The following CSNK1G2 variants were observed in gnomAD, a reference collection of about 807,000 sequenced individuals.
CSNK1G2 encodes casein kinase I isoform gamma-2.
Under a neutral mutation model 48.0 loss-of-function variants are expected in CSNK1G2, and 11 were observed. The ratio of observed to expected loss-of-function variants is 0.23; its 90% CI spans 0.14 to 0.38. CSNK1G2 has a LOEUF of 0.38. Among genes scored for constraint, CSNK1G2 ranks in the 10% least tolerant of loss-of-function variants. The probability of loss-of-function intolerance (pLI) is 1.00; values close to 1 mark genes in which losing one functional copy is unlikely to be tolerated. For synonymous variants in CSNK1G2, 337 were observed against 254.1 expected (o/e 1.33, Z -3.10); for missense variants, 446 against 595.5 (o/e 0.75, Z 2.61).
rs2014473820 is a variant in CSNK1G2, at chr19:1,944,306, C to T, written c.-266+2888C>T. On this transcript the variant is annotated intron_variant, in intron 1 of 11. Coordinates refer to ENST00000255641, the MANE Select transcript of CSNK1G2 (RefSeq NM_001319.7). ...AGGCCGTCTGAGTGAGGCCTGCAGTCTGGAGGCTCCCTAGGTCGGGAGGCT... is the reference window on the plus strand; with the variant it reads ...AGGCCGTCTGAGTGAGGCCTGCAGTTTGGAGGCTCCCTAGGTCGGGAGGCT... 2.6e-5 allele frequency among the ~76,000 whole-genome samples: 4 copies of T among 152,258 alleles called. No homozygotes were observed. In the South Asian group the frequency reaches 6.2e-4, roughly 24 times the overall value.
In CSNK1G2 at chr19:1,957,619, A is replaced by G. The variant is rs1210894869; in HGVS notation, c.-265-11889A>G. ...TCCCCTCGCCCGGGGCGCGCTCCAC[A>G]GGCTAGGCCACTTTCACAGCTCACC... On this transcript the variant is annotated intron_variant, in intron 1 of 11. Coordinates refer to ENST00000255641, the MANE Select transcript of CSNK1G2 (RefSeq NM_001319.7). The surrounding 1 kb of genome is among the most constrained non-coding windows in gnomAD (Gnocchi z 5.4). 2.0e-5 allele frequency among the ~76,000 whole-genome samples: 3 copies of G among 152,144 alleles called. No homozygotes were observed. The highest frequency in any genetic ancestry group is 3.9e-4 in the East Asian group (2 of 5,184).
chr19:1,966,048 G>C (rs945681856), intron 1 of CSNK1G2, among the ~76,000 whole-genome samples: 1 of 152,030 alleles, frequency 6.6e-6, no homozygotes, highest in Non-Finnish European at 1.5e-5. Context: ...GTCTGCCTGC[G>C]TCAGCCTCCC....
intron 2 of CSNK1G2, among the ~76,000 whole-genome samples, chr19:1,973,994 T>A (rs1205392212): frequency 6.6e-6 from 1 of 152,056 alleles, no homozygotes; most frequent in African/African-American, 2.4e-5. Context: ...TTCAAGCAAT[T>A]CTCCTGCCTC....
intron 2 of CSNK1G2, chr19:1,975,582 C>T (rs534264842): frequency 4.8e-5 from 47 of 985,322 alleles, no homozygotes; most frequent in Non-Finnish European, 5.7e-5. Flanking sequence ...CAGGGGCAGC[C>T]TTTTGGGCGG....
chr19:1,959,785 G>C (rs56226476), intron 1 of CSNK1G2, among the ~76,000 whole-genome samples: 1 of 51,810 alleles, frequency 1.9e-5, no homozygotes, highest in African/African-American at 2.0e-4. Flanking sequence ...CCCACCTTTA[G>C]TGCCACCCTG....
intron 1 of CSNK1G2, among the ~76,000 whole-genome samples, chr19:1,950,889 G>A (rs1325533203): frequency 2.1e-5 from 3 of 146,098 alleles, no homozygotes; most frequent in Admixed American, 6.8e-5. Flanking sequence ...ATGGCGGAGC[G>A]TGTTGGGAAG....
rs781305836 is a variant in CSNK1G2, at chr19:1,978,269, C to T, written c.188-36C>T. The T allele has an allele frequency of 4.3e-6, 7 of 1,612,310 alleles. No homozygotes were observed. The South Asian group carries it at 7.7e-5, about 18-fold the overall frequency. On this transcript the variant is annotated intron_variant, in intron 2 of 11. Coordinates refer to ENST00000255641, the MANE Select transcript of CSNK1G2 (RefSeq NM_001319.7). The surrounding 1 kb of genome is among the most constrained non-coding windows in gnomAD (Gnocchi z 7.3). Reference sequence around the variant, plus strand: ...TGGGGAGGTCGGGGCTAGGTGGGCCCTGCGCTGGCGGTGCTGATGGTCTCT... The same window carrying T: ...TGGGGAGGTCGGGGCTAGGTGGGCCTTGCGCTGGCGGTGCTGATGGTCTCT...
At position 1,980,177 on chromosome 19, in the gene CSNK1G2, A is replaced by G; in HGVS notation, c.1222A>G (p.Arg408Gly). The change falls in exon 12 of 12, where the codon AGA becomes GGA. Residue 408 changes from arginine (R) to glycine (G), a missense_variant. Arg to Gly is a moderately radical substitution (Grantham distance 125). Transcript: ENST00000255641. ...KCCCFFKRRK[R>G]KSLQRHK ...CTGCTGTTTCTTCAAGAGGAGAAAG[A>G]GAAAATCGCTGCAGCGACACAAGTG... The G allele has an allele frequency of 6.2e-7, 1 of 1,612,946 alleles. No individual in the cohort carries two copies. Among genetic ancestry groups the G allele is most frequent in the Non-Finnish European group, 8.5e-7 (1 of 1,179,862 alleles).
intron 1 of CSNK1G2, chr19:1,953,507 C>G (rs1227759413): frequency 1.9e-6 from 1 of 532,962 alleles, no homozygotes; most frequent in South Asian, 1.4e-5. Context: ...TTTGCATAAT[C>G]TGAATTTTGG....
chr19:1,955,170 C>T (rs1180401359), intron 1 of CSNK1G2, among the ~76,000 whole-genome samples: 1 of 152,154 alleles, frequency 6.6e-6, no homozygotes. Context: ...GAGTGATCTG[C>T]GCCCTCGGAA....
At chr19:1,972,268 A>G (rs2145579542) in intron 2 of CSNK1G2, among the ~76,000 whole-genome samples, 1 of 152,318 alleles carries the variant, frequency 6.6e-6, no homozygotes, top group South Asian at 2.1e-4. Context: ...GCCCTTCTGA[A>G]TAGAACTAAC....
chr19:1,952,754 A>T (rs1033744632), intron 1 of CSNK1G2: 1 of 305,048 alleles, frequency 3.3e-6, no homozygotes, highest in Non-Finnish European at 6.6e-6. Context: ...GCGGGACTGG[A>T]TGGAGGCCAG....
rs2015832838 is a variant in CSNK1G2 at position 1,978,358 on chromosome 19, C to T, written c.228+13C>T. 10 of 1,613,024 alleles carry T rather than the reference C, an allele frequency of 6.2e-6. No homozygotes were observed. Among genetic ancestry groups the T allele is most frequent in the Non-Finnish European group, 8.5e-6 (10 of 1,179,716 alleles). ...GGCTATCAAATTGGTGAGTCGGCCC[C>T]TCCACCCCACCCCCGCTGACGTGCC... On this transcript the variant is annotated intron_variant, in intron 3 of 11. Coordinates refer to ENST00000255641, the MANE Select transcript of CSNK1G2 (RefSeq NM_001319.7). The surrounding 1 kb of genome is among the most constrained non-coding windows in gnomAD (Gnocchi z 7.3).
chr19:1,941,639 C>A (rs992091956), intron 1 of CSNK1G2, among the ~76,000 whole-genome samples: 3 of 149,892 alleles, frequency 2.0e-5, no homozygotes, highest in African/African-American at 7.4e-5. Flanking sequence ...CCCGTTGACC[C>A]TGCACTCGGG....
At chr19:1,962,321 ACT>A (rs1018711611) in intron 1 of CSNK1G2, among the ~76,000 whole-genome samples, 7 of 150,882 alleles carry the variant, frequency 4.6e-5, no homozygotes, top group Non-Finnish European at 1.0e-4. Context: ...AAAGAGTGAG[ACT>A]CTGTCAACAA....
chr19:1,968,424 G>A (rs1016246321), intron 1 of CSNK1G2, among the ~76,000 whole-genome samples: 1 of 152,006 alleles, frequency 6.6e-6, no homozygotes, highest in Non-Finnish European at 1.5e-5. Context: ...GCCTCCCGTC[G>A]GGGCCTGCGC....
chr19:1,951,642 A>G lies in CSNK1G2; in HGVS notation c.-266+10224A>G, dbSNP rs930334012. Among the ~76,000 whole-genome samples the G allele has an allele frequency of 6.3e-5, 9 of 141,944 alleles. 1 individual carries two copies. The highest frequency in any genetic ancestry group is 3.0e-5 in the Non-Finnish European group (2 of 66,044). The allele number at this position is 141,944 out of a possible 152,430, so 93.1% of individuals were successfully genotyped here. ...CCTCAGGATGTGCAGGCTGGGCGGG[A>G]GGAAGCGGTGAGAGTCCACCCCTCC... On this transcript the variant is annotated intron_variant, in intron 1 of 11. Coordinates refer to ENST00000255641, the MANE Select transcript of CSNK1G2 (RefSeq NM_001319.7).
chr19:1,956,889 AGGCGGCGGTT>A (rs1568188034), intron 1 of CSNK1G2, among the ~76,000 whole-genome samples: 1 of 152,212 alleles, frequency 6.6e-6, no homozygotes, highest in Non-Finnish European at 1.5e-5. Context: ...GAACCTGGCC[AGGCGGCGGTT>A]GATGGGTTAA....
chr19:1,980,046 AG>A, intron 11 of CSNK1G2, 29 bp downstream of exon 11: 1 of 1,582,784 alleles, frequency 6.3e-7, no homozygotes, highest in Non-Finnish European at 8.6e-7. Flanking sequence ...GCCTTCGGGG[AG>A]GTGGGGGTGC....
Sources: allele counts gnomAD v4.1 joint callset (sites outside exome capture counted in the v4.1 genomes callset), GRCh38; gene constraint gnomAD v4.1.1; non-coding constraint Gnocchi (gnomAD v3.1); transcripts MANE v1.5; gene names NCBI Gene and HGNC (gene_info 2026-07-23, HGNC 2026-07-21).